UVSSA: variants seen among roughly 807,000 people sequenced by gnomAD.
UVSSA encodes the protein UV-stimulated scaffold protein A.
UVSSA carries 72 observed loss-of-function variants against 73.9 expected under a neutral mutation model. The observed-to-expected ratio is 0.97, with a 90% CI of 0.81 to 1.19. The LOEUF (loss-of-function observed/expected upper bound fraction) is 1.19, where lower values mean the gene tolerates loss of function less well. Among genes scored for constraint, UVSSA ranks in the 50% most tolerant of loss-of-function variants. The pLI, the probability that UVSSA is intolerant of heterozygous loss-of-function variation, is 0.00. For synonymous variants in UVSSA, 454 were observed against 391.3 expected (o/e 1.16, Z -1.89); for missense variants, 1,150 against 965.0 (o/e 1.19, Z -2.54).
chr4:1,386,333 G>A lies in UVSSA; in HGVS notation c.*372G>A, dbSNP rs1321820641. 1.5e-5 allele frequency: 3 copies of A among 194,762 alleles called. No individual in the cohort carries two copies. The highest frequency in any genetic ancestry group is 2.1e-4 in the South Asian group (2 of 9,378). 12.1% of individuals were successfully genotyped at this position (194,762 alleles called of 1,614,324 possible). ...AGCGTGCATTCCCCAGCCAGGAGGC[G>A]ACCACTCAGAGGAACTCTGGGAAAC... On this transcript the variant is annotated 3_prime_UTR_variant, in exon 14 of 14. Coordinates refer to ENST00000389851, the MANE Select transcript of UVSSA (RefSeq NM_020894.4).
At chr4:1,385,422 C>G (rs935012358) in intron 13 of UVSSA, 15 of 210,314 alleles carry the variant, frequency 7.1e-5, no homozygotes, top group Admixed American at 1.6e-4. Context: ...CCGTGCCCCC[C>G]CTGCTGCAGC....
chr4:1,345,632 G>C (rs1222131888), upstream of UVSSA, among the ~76,000 whole-genome samples: 8 of 110,622 alleles, frequency 7.2e-5, no homozygotes, highest in Non-Finnish European at 1.3e-4. Flanking sequence ...GTGACAAAGC[G>C]AGACTTTGTC....
At chr4:1,360,918 A>G (rs1036140503) in intron 7 of UVSSA, among the ~76,000 whole-genome samples, 2 of 152,218 alleles carry the variant, frequency 1.3e-5, no homozygotes, top group African/African-American at 4.8e-5. Flanking sequence ...GCTCCTGCTC[A>G]GTAAGAACCA....
At chr4:1,389,850 T>C (rs533732241), downstream of UVSSA, 122 of 152,334 alleles carry the variant, frequency 8.0e-4, 1 homozygote, top group African/African-American at 2.8e-3. Flanking sequence ...CTGGTTTTAG[T>C]AATTTGATTC....
intron 8 of UVSSA, among the ~76,000 whole-genome samples, chr4:1,366,890 A>G (rs1291986014): frequency 1.3e-5 from 2 of 152,214 alleles, no homozygotes; most frequent in Admixed American, 6.5e-5. Flanking sequence ...GCTCAGGGAC[A>G]GAAAGGTCTC....
At chr4:1,350,556 G>A (rs971132561) in intron 3 of UVSSA, among the ~76,000 whole-genome samples, 2 of 152,180 alleles carry the variant, frequency 1.3e-5, no homozygotes, top group African/African-American at 2.4e-5. Flanking sequence ...GAGAAGTCTC[G>A]TCACCTCTTT....
Position 1,353,082 on chromosome 4 carries a change from G to C in UVSSA, c.603G>C (p.Arg201Ser). ...TGACGGAGGTAGAGAGCTGCTTTAGGCTGCTGGTGCCTTTTGACTTTGACC... is the reference window on the plus strand; with the variant it reads ...TGACGGAGGTAGAGAGCTGCTTTAGCCTGCTGGTGCCTTTTGACTTTGACC... ...SCLTEVESCF[R>S]LLVPFDFDPN... is the part of the protein sequence containing the mutation. Residue 201 changes from arginine to serine, a missense_variant, in exon 5 of 14, where the codon AGG (arginine) becomes AGC (serine). Physicochemically the swap from Arg to Ser is moderately radical, Grantham distance 110 (BLOSUM62 -1). Transcript: ENST00000389851. 1 of 1,613,070 alleles carries C rather than the reference G, an allele frequency of 6.2e-7. No individual in the cohort carries two copies.
exon 14 of UVSSA, chr4:1,394,927 A>G (rs1720496141): frequency 6.9e-7 from 1 of 1,438,962 alleles, no homozygotes; most frequent in Non-Finnish European, 9.5e-7. Context: ...CCGCCTGCTC[A>G]CACGTGCCCA....
upstream of UVSSA, among the ~76,000 whole-genome samples, chr4:1,345,295 G>C (rs58552306): frequency 0.18 from 27,454 of 152,018 alleles, 4,726 homozygotes; most frequent in East Asian, 0.43. Context: ...GAGGAAGAGA[G>C]AAGCCCAAGT....
exon 14 of UVSSA, chr4:1,394,483 A>T: frequency 6.2e-7 from 1 of 1,611,554 alleles, no homozygotes; most frequent in Non-Finnish European, 8.5e-7. Flanking sequence ...TAAATTTCAA[A>T]TAGCTGTCCA....
chr4:1,360,473 C>T (rs1000454836), intron 7 of UVSSA, among the ~76,000 whole-genome samples: 1 of 152,204 alleles, frequency 6.6e-6, no homozygotes. Flanking sequence ...AAGCTGAGCC[C>T]GGGAGAAGCT....
chr4:1,350,221 A>G (rs1030621290), intron 3 of UVSSA, among the ~76,000 whole-genome samples: 3 of 152,188 alleles, frequency 2.0e-5, no homozygotes, highest in Non-Finnish European at 4.4e-5. Flanking sequence ...ACCTGTCCCA[A>G]CCTTGCACTT....
At chr4:1,370,814 C>T (rs1717937661) in intron 8 of UVSSA, among the ~76,000 whole-genome samples, 1 of 152,234 alleles carries the variant, frequency 6.6e-6, no homozygotes, top group African/African-American at 2.4e-5. Flanking sequence ...TGGCTCCAGA[C>T]AGCCCGAGTT....
intron 4 of UVSSA, 21 bp downstream of exon 4, chr4:1,351,856 G>A: frequency 1.2e-6 from 2 of 1,611,464 alleles, no homozygotes; most frequent in Non-Finnish European, 1.7e-6. Context: ...AGGACGGAGG[G>A]AGGGGCCCAC....
intron 8 of UVSSA, among the ~76,000 whole-genome samples, chr4:1,371,030 T>C (rs1717964192): frequency 1.3e-5 from 2 of 152,144 alleles, no homozygotes; most frequent in Admixed American, 1.3e-4. Flanking sequence ...TCCCAGCTCT[T>C]CTCTCCAAAC....
In UVSSA at chr4:1,385,923, GAGA is replaced by G; in HGVS notation, c.2095_2097del (p.Lys699del). 1 of 1,614,066 alleles carries G rather than the reference GAGA, an allele frequency of 6.2e-7. No individual in the cohort carries two copies. Among genetic ancestry groups the G allele is most frequent in the Non-Finnish European group, 8.5e-7 (1 of 1,180,030 alleles). On this transcript the variant is annotated inframe_deletion, in exon 14 of 14. Coordinates refer to ENST00000389851, the MANE Select transcript of UVSSA (RefSeq NM_020894.4). Reference sequence around the variant, plus strand: ...GAACCGGATGGACCAGAAGAAGCACGAGAAGTTTTCAAACCAGTTTAACTACGC... The same window carrying G: ...GAACCGGATGGACCAGAAGAAGCACGAGTTTTCAAACCAGTTTAACTACGC...
At position 1,351,766 on chromosome 4, in the gene UVSSA, G is replaced by T; in HGVS notation, c.481G>T (p.Glu161Ter). 6 of 1,613,686 alleles carry T rather than the reference G, an allele frequency of 3.7e-6. No individual in the cohort carries two copies. The highest frequency in any genetic ancestry group is 5.1e-6 in the Non-Finnish European group (6 of 1,179,846). The stretch of plus-strand genomic sequence containing the variant: ...GAGTCTGGCAGAAAGGAAGAGAGAA[G>T]AGGAGAAGCAGAAGCACTTGGATAA... ...ARSLAERKRE[E>*]EKQKHLDKIY... Residue 161 changes from glutamate to a stop codon, truncating the protein, a stop_gained, in exon 4 of 14, where the codon GAG becomes TAG. Coordinates refer to ENST00000389851, the MANE Select transcript of UVSSA (RefSeq NM_020894.4). LOFTEE classifies it high-confidence loss of function.
rs753527592 is a variant in UVSSA at position 1,366,349 on chromosome 4, T to C, written c.1206T>C (p.Asp402=). The C allele has an allele frequency of 1.2e-6, 2 of 1,612,636 alleles. No individual in the cohort carries two copies. Among genetic ancestry groups the C allele is most frequent in the Non-Finnish European group, 1.7e-6 (2 of 1,179,274 alleles). ...AAGCCCTGGGGGATGCGGAGGAAGA[T>C]GAGGACGATGAGGACTTTGTGGAGG... is the stretch of plus-strand genomic sequence containing the variant. The part of the protein sequence containing the change: ...RTEALGDAEE[D]EDDEDFVEVP... The change falls in exon 8 of 14, where the codon GAT becomes GAC. Residue 402 remains aspartate, a synonymous_variant. Coordinates refer to ENST00000389851, the MANE Select transcript of UVSSA (RefSeq NM_020894.4).
Position 1,351,742 on chromosome 4 carries a change from A to G in UVSSA, c.457A>G (p.Ser153Gly). The G allele has an allele frequency of 6.2e-7, 1 of 1,613,572 alleles. No homozygotes were observed. Among genetic ancestry groups the G allele is most frequent in the South Asian group, 1.1e-5 (1 of 91,084 alleles). The change falls in exon 4 of 14, where the codon AGT (serine) becomes GGT (glycine). Residue 153 changes from serine to glycine, a missense_variant. By Grantham distance (56) the Ser-to-Gly change is moderately conservative (BLOSUM62 0). Transcript: ENST00000389851. Reference protein sequence around the residue: ...KVDFQDTNARSLAERKREEEK... With the variant: ...KVDFQDTNARGLAERKREEEK... The stretch of plus-strand genomic sequence containing the variant: ...GGATTTTCAAGACACGAATGCTCGG[A>G]GTCTGGCAGAAAGGAAGAGAGAAGA...
Sources: gnomAD v4.1 joint callset for allele counts (sites outside exome capture counted in the v4.1 genomes callset) on GRCh38, gnomAD v4.1.1 for gene constraint, MANE v1.5 for transcripts, NCBI Gene and HGNC (gene_info 2026-07-23, HGNC 2026-07-21) for gene names.